Variants in DPYSL5 observed in about 807,000 individuals in gnomAD.
The protein encoded by DPYSL5 is dihydropyrimidinase like 5.
In DPYSL5, 9 loss-of-function variants were observed where a neutral mutation model predicts 58.4. The observed-to-expected ratio is 0.15, with a 90% confidence interval of 0.09 to 0.27. The LOEUF (loss-of-function observed/expected upper bound fraction) is 0.27. Ranked by LOEUF, DPYSL5 falls within the 10% of genes least tolerant of loss-of-function variation. DPYSL5 has a pLI of 1.00. For missense variants in DPYSL5, 499 were observed against 770.6 expected, an observed-to-expected ratio of 0.65 and a Z score of 4.17; for synonymous variants, 293 against 301.9, an observed-to-expected ratio of 0.97 and a Z score of 0.31.
At chr2:26,917,524 C>G (rs1664595916) in intron 2 of DPYSL5, among the ~76,000 whole-genome samples, 1 of 147,430 alleles carries the variant, frequency 6.8e-6, no homozygotes, top group Non-Finnish European at 1.5e-5. Context: ...ACAGAAGGTG[C>G]TGGGGTTGGG....
intron 12 of DPYSL5, among the ~76,000 whole-genome samples, chr2:26,945,244 A>C (rs1302865021): frequency 7.2e-6 from 1 of 138,136 alleles, no homozygotes; most frequent in East Asian, 2.1e-4. Context: ...TCCTTCTGCT[A>C]CCCCCTCTCC....
intron 2 of DPYSL5, among the ~76,000 whole-genome samples, chr2:26,902,168 C>T (rs1664175847): frequency 6.6e-6 from 1 of 152,114 alleles, no homozygotes. Flanking sequence ...CGTGGGGTGG[C>T]AGGGGGAGAG....
chr2:26,889,572 GA>G (rs1663817434), intron 1 of DPYSL5, among the ~76,000 whole-genome samples: 1 of 151,988 alleles, frequency 6.6e-6, no homozygotes, highest in African/African-American at 2.4e-5. Context: ...GCCCGGCCTG[GA>G]GAGCTTATAC....
chr2:26,900,857 T>C lies in DPYSL5; in HGVS notation c.261+2097T>C, dbSNP rs368340113. ...TTTAGGCCAGGGTCAGATGCCACAC[T>C]GTCACTATGCTGTCTACCAGCCTCG... On this transcript the variant is annotated intron_variant, in intron 2 of 12. Coordinates refer to ENST00000288699, the MANE Select transcript of DPYSL5 (RefSeq NM_020134.4). Among the ~76,000 whole-genome samples the C allele has an allele frequency of 3.2e-4, 48 of 152,286 alleles. 1 individual carries two copies. The Middle Eastern group carries it at 0.02, about 65-fold the overall frequency.
intron 2 of DPYSL5, among the ~76,000 whole-genome samples, chr2:26,911,115 T>C (rs1431644258): frequency 3.0e-5 from 4 of 131,974 alleles, no homozygotes; most frequent in African/African-American, 1.2e-4. Context: ...GGCTATCCAA[T>C]TGTTCCAGAG....
intron 1 of DPYSL5, among the ~76,000 whole-genome samples, chr2:26,858,216 G>T (rs1265787804): frequency 7.3e-6 from 1 of 136,840 alleles, no homozygotes. Flanking sequence ...CTGTCACCCA[G>T]GCTGGAGTGC....
intron 2 of DPYSL5, among the ~76,000 whole-genome samples, chr2:26,921,388 C>G (rs866612932): frequency 2.0e-5 from 3 of 151,968 alleles, no homozygotes; most frequent in Non-Finnish European, 4.4e-5. Context: ...GCGTACTTAA[C>G]CAACACCATT....
rs1305646191 is a variant in DPYSL5 at position 26,898,725 on chromosome 2, G to T, written c.226G>T (p.Ala76Ser). The T allele has an allele frequency of 5.6e-6, 9 of 1,613,136 alleles. No individual in the cohort carries two copies. The highest frequency in any genetic ancestry group is 1.3e-5 in the African/African-American group (1 of 74,918). The change falls in exon 2 of 13, where the codon GCC becomes TCC. Residue 76 changes from alanine to serine, a missense_variant. Physicochemically the swap from Ala to Ser is moderately conservative, Grantham distance 99 (BLOSUM62 1). Transcript: ENST00000288699. This position sits in a 1 kb window ranked among gnomAD's most constrained non-coding sequence, Gnocchi z 6.1. Reference protein sequence around the residue: ...STHFHQTFMNATCVDDFYHGT... With the variant: ...STHFHQTFMNSTCVDDFYHGT... ...CCACTTCCACCAGACCTTCATGAAT[G>T]CCACGTGCGTGGACGACTTCTACCA...
At chr2:26,908,674 C>G (rs1664360128) in intron 2 of DPYSL5, among the ~76,000 whole-genome samples, 1 of 152,156 alleles carries the variant, frequency 6.6e-6, no homozygotes, top group African/African-American at 2.4e-5. Context: ...ATTTTTAAAA[C>G]CTTTGATTCA....
chr2:26,943,711 G>T (rs1665385719), intron 11 of DPYSL5, among the ~76,000 whole-genome samples: 1 of 152,198 alleles, frequency 6.6e-6, no homozygotes, highest in South Asian at 2.1e-4. Flanking sequence ...CTCTGATGTA[G>T]GTATAGTATT....
intron 1 of DPYSL5, among the ~76,000 whole-genome samples, chr2:26,896,883 C>T (rs550063791): frequency 2.0e-5 from 3 of 152,262 alleles, no homozygotes; most frequent in Non-Finnish European, 2.9e-5. Context: ...TTTAGTTTGA[C>T]GCAATCCCAT....
At position 26,942,601 on chromosome 2, in the gene DPYSL5, C is replaced by T; in HGVS notation, c.1291C>T (p.Arg431Cys). The T allele has an allele frequency of 6.2e-7, 1 of 1,614,120 alleles. No homozygotes were observed. Residue 431 changes from arginine (R) to cysteine (C), a missense_variant, in exon 11 of 13, where the codon CGC (arginine) becomes TGC (cysteine). Arg to Cys is a radical substitution (Grantham distance 180, BLOSUM62 -3). This residue lies in a region of DPYSL5 where 404 missense variants were observed against 647.6 expected (regional missense o/e 0.62). Coordinates refer to ENST00000288699, the MANE Select transcript of DPYSL5 (RefSeq NM_020134.4). The surrounding 1 kb of genome is among the most constrained non-coding windows in gnomAD (Gnocchi z 5.9). ...GGDFNLYENM[R>C]CHGVPLVTIS... ...AGACTTCAACCTGTATGAGAACATG[C>T]GCTGCCACGGCGTGCCACTGGTCAC...
chr2:26,944,522 C>A lies in DPYSL5; in HGVS notation c.1441-134C>A. 1.0e-6 allele frequency: 1 copy of A among 975,486 alleles called. No individual in the cohort carries two copies. The highest frequency in any genetic ancestry group is 1.5e-6 in the Non-Finnish European group (1 of 657,134). The allele number at this position is 975,486 out of a possible 1,614,324, so 60.4% of individuals were successfully genotyped here. A position where few individuals can be genotyped will look rare whatever the true frequency, so the allele number is the denominator to read the frequency against. On this transcript the variant is annotated intron_variant, in intron 11 of 12. Transcript: ENST00000288699. The surrounding 1 kb of genome is among the most constrained non-coding windows in gnomAD (Gnocchi z 4.4). ...GACTCAATGTTTAAGAAGCCTTGGT[C>A]ACTTGCAGTGATTTGGGTCTTGGGC...
chr2:26,860,668 G>A (rs1020032757), intron 1 of DPYSL5, among the ~76,000 whole-genome samples: 1 of 152,244 alleles, frequency 6.6e-6, no homozygotes, highest in East Asian at 1.9e-4. Context: ...ACTATGACAC[G>A]TCCTTACAAA....
At position 26,944,703 on chromosome 2, in the gene DPYSL5, C is replaced by T. The variant is rs77299668; in HGVS notation, c.1488C>T (p.Val496=). The T allele has an allele frequency of 1.8e-4, 298 of 1,614,098 alleles. No homozygotes were observed. In the African/African-American group the frequency reaches 2.7e-3, roughly 14 times the overall value. The change falls in exon 12 of 13, where the codon GTC becomes GTT. Residue 496 remains valine (V), a synonymous_variant. Transcript: ENST00000288699. This position sits in a 1 kb window ranked among gnomAD's most constrained non-coding sequence, Gnocchi z 4.4. The part of the protein sequence containing the change: ...GVDRTPYLGD[V]AVVVHPGKKE... ...ACCGCACTCCCTACCTGGGGGATGT[C>T]GCTGTTGTCGTGCACCCTGGGAAAA...
intron 2 of DPYSL5, among the ~76,000 whole-genome samples, chr2:26,903,152 C>A (rs929032332): frequency 1.3e-5 from 2 of 151,968 alleles, no homozygotes; most frequent in Admixed American, 6.6e-5. Flanking sequence ...TCACTGCAAC[C>A]TCTGTCGCCT....
At chr2:26,859,740 T>A (rs1429509237) in intron 1 of DPYSL5, among the ~76,000 whole-genome samples, 1 of 152,186 alleles carries the variant, frequency 6.6e-6, no homozygotes, top group East Asian at 1.9e-4. Context: ...ATGATTCGGT[T>A]ATGAGACGCA....
intron 5 of DPYSL5, among the ~76,000 whole-genome samples, chr2:26,931,008 G>C (rs1041264234): frequency 6.7e-6 from 1 of 149,428 alleles, no homozygotes; most frequent in African/African-American, 2.5e-5. Context: ...GCATGGTAGC[G>C]CATGCCTGTA....
rs1178882349 is a variant in DPYSL5, at chr2:26,927,683, AATG to A, written c.600+254_600+256del. Among the ~76,000 whole-genome samples, 2 of 152,236 alleles carry A rather than the reference AATG, an allele frequency of 1.3e-5. No individual in the cohort carries two copies. Among genetic ancestry groups the A allele is most frequent in the Non-Finnish European group, 2.9e-5 (2 of 68,034 alleles). ...TCGTAGGTGATGATGTCTTAATTCT[AATG>A]ATATGAGATTTAAATTCCATTATAG... On this transcript the variant is annotated intron_variant, in intron 4 of 12. Transcript: ENST00000288699. The surrounding 1 kb of genome is among the most constrained non-coding windows in gnomAD (Gnocchi z 4.3).
Sources: allele counts gnomAD v4.1 joint callset (sites outside exome capture counted in the v4.1 genomes callset), GRCh38; gene constraint gnomAD v4.1.1; regional missense constraint gnomAD v4.1.1; non-coding constraint Gnocchi (gnomAD v3.1); transcripts MANE v1.5; gene names NCBI Gene and HGNC (gene_info 2026-07-23, HGNC 2026-07-21).